The following TEX14 variants were observed in gnomAD, a reference collection of about 807,000 sequenced individuals.
TEX14 encodes the protein inactive serine/threonine-protein kinase TEX14.
Under a neutral mutation model 178.6 loss-of-function variants are expected in TEX14, and 168 were observed. The ratio of observed to expected loss-of-function variants is 0.94; its 90% confidence interval spans 0.83 to 1.07. TEX14 has a LOEUF of 1.07. Ranked by LOEUF, TEX14 falls within the 50% of genes least tolerant of loss-of-function variation. The pLI is 0.00. For synonymous variants in TEX14, 626 were observed against 634.1 expected (o/e 0.99, Z 0.19); for missense variants, 1,730 against 1,753.6 (o/e 0.99, Z 0.24).
rs528554189 is a variant in TEX14 at position 58,608,372 on chromosome 17, G to A, written c.1184+2789C>T. ...GCGGAGCTTGTAGTGAGCCGAGATC[G>A]TGCCACTGCACTCCAGCCTGGGCAA... On this transcript the variant is annotated intron_variant, in intron 10 of 31. Transcript: ENST00000349033. Among the ~76,000 whole-genome samples the A allele has an allele frequency of 1.8e-4, 28 of 151,374 alleles. No homozygotes were observed. In the East Asian group the frequency reaches 4.5e-3, roughly 24 times the overall value.
chr17:58,651,089 G>A (rs919945103), intron 2 of TEX14, among the ~76,000 whole-genome samples: 1 of 152,126 alleles, frequency 6.6e-6, no homozygotes, highest in Non-Finnish European at 1.5e-5. Flanking sequence ...GCAACATGGC[G>A]AAAGCATCTC....
Position 58,598,973 on chromosome 17 carries a change from G to A in TEX14, c.2372C>T (p.Pro791Leu), listed in dbSNP as rs1263992220. ...GACAGGAGGAATATAGTTTAAAGAT[G>A]GAGGGCCCACGGCCAGAGGTAACTT... is the stretch of plus-strand genomic sequence containing the variant. ...AYKLPLAVGPPSLNYIPPVLQ... is the reference protein window; with the variant it reads ...AYKLPLAVGPLSLNYIPPVLQ... The change falls in exon 14 of 32, where the codon CCA (proline) becomes CTA (leucine). Residue 791 changes from proline (P) to leucine (L), a missense_variant. Around this residue, in one of 2 missense-constraint regions of TEX14, gnomAD observed 941 missense variants for 1,072.4 expected, o/e 0.88. Transcript: ENST00000349033. 1.2e-6 allele frequency: 2 copies of A among 1,614,110 alleles called. No homozygotes were observed. The highest frequency in any genetic ancestry group is 2.2e-5 in the East Asian group (1 of 44,880).
intron 5 of TEX14, 47 bp from the exon 6 acceptor site, chr17:58,617,666 T>C: frequency 7.4e-7 from 1 of 1,359,264 alleles, no homozygotes; most frequent in Non-Finnish European, 1.0e-6. Flanking sequence ...TAACCACTCA[T>C]ATCCAGAATA....
intron 30 of TEX14, 110 bp from the exon 31 acceptor site, chr17:58,557,960 A>C (rs927682490): frequency 1.3e-6 from 1 of 741,264 alleles, no homozygotes; most frequent in Non-Finnish European, 2.2e-6. Context: ...TGTTTTACCT[A>C]CAATGGTTGT....
At chr17:58,598,275 C>T (rs417005) in intron 14 of TEX14, among the ~76,000 whole-genome samples, 95,318 of 149,524 alleles carry the variant, frequency 0.64, 30,727 homozygotes, top group African/African-American at 0.71. Flanking sequence ...GATCACGCCA[C>T]TGCACTCCAG....
intron 1 of TEX14, among the ~76,000 whole-genome samples, chr17:58,690,147 GTTTT>G (rs940472537): frequency 1.3e-5 from 2 of 150,228 alleles, no homozygotes; most frequent in African/African-American, 4.9e-5. Context: ...TTGAGTGGGG[GTTTT>G]TTTGTTTTTT....
At chr17:58,660,117 A>T (rs964407383) in intron 1 of TEX14, among the ~76,000 whole-genome samples, 15 of 150,538 alleles carry the variant, frequency 1.0e-4, no homozygotes, top group African/African-American at 3.4e-4. Flanking sequence ...ATAATTTAAC[A>T]CTTTAGGCCA....
intron 4 of TEX14, among the ~76,000 whole-genome samples, chr17:58,622,456 C>T (rs1035514579): frequency 6.6e-6 from 1 of 151,674 alleles, no homozygotes; most frequent in Non-Finnish European, 1.5e-5. Flanking sequence ...AAAAAAAATT[C>T]CCACCTGCCA....
At chr17:58,581,618 G>A (rs2044822257) in intron 19 of TEX14, 1 of 1,613,704 alleles carries the variant, frequency 6.2e-7, no homozygotes, top group Non-Finnish European at 8.5e-7. Context: ...TACCTCTAGA[G>A]CTAAGTTTTC....
intron 11 of TEX14, among the ~76,000 whole-genome samples, 193 bp from the exon 12 acceptor site, chr17:58,602,783 A>C (rs1221475906): frequency 6.6e-6 from 1 of 152,044 alleles, no homozygotes; most frequent in Admixed American, 6.6e-5. Context: ...AACTACCCAG[A>C]GGGGCCGGGC....
chr17:58,571,970 T>A lies in TEX14; in HGVS notation c.3668A>T (p.Asp1223Val). ...AGTTTCAGAGGAAGTAAGGAGAGAA[T>A]CCAGTTTCTTTGCTCTCTCTCGGAC... ...ISVRERAKKLDSLLTSSETPP... is the reference protein window; with the variant it reads ...ISVRERAKKLVSLLTSSETPP... Residue 1223 changes from aspartate to valine, a missense_variant, in exon 24 of 32, where the codon GAT (aspartate) becomes GTT (valine). Physicochemically the swap from Asp to Val is radical, Grantham distance 152. Around this residue, in one of 2 missense-constraint regions of TEX14, gnomAD observed 941 missense variants for 1,072.4 expected, o/e 0.88. Coordinates refer to ENST00000349033, the MANE Select transcript of TEX14 (RefSeq NM_031272.5). 1 of 1,614,142 alleles carries A rather than the reference T, an allele frequency of 6.2e-7. No homozygotes were observed. The highest frequency in any genetic ancestry group is 8.5e-7 in the Non-Finnish European group (1 of 1,180,020).
At chr17:58,593,291 C>T (rs2045201730) in intron 15 of TEX14, among the ~76,000 whole-genome samples, 2 of 152,112 alleles carry the variant, frequency 1.3e-5, no homozygotes, top group East Asian at 1.9e-4. Context: ...TGGGCAGTTG[C>T]GGAAAGGCAA....
In TEX14 at chr17:58,683,951, G is replaced by C. The variant is rs575624732; in HGVS notation, c.-2+7988C>G. Among the ~76,000 whole-genome samples, 6 of 151,780 alleles carry C rather than the reference G, an allele frequency of 4.0e-5. No individual in the cohort carries two copies. The South Asian group carries it at 1.0e-3, about 26-fold the overall frequency. ...GTGGTGGTGCATCCCTGTCATCCCAGCTACTCGGGAGGCTGAGGCAGAAGA... is the reference window on the plus strand; with the variant it reads ...GTGGTGGTGCATCCCTGTCATCCCACCTACTCGGGAGGCTGAGGCAGAAGA... On this transcript the variant is annotated intron_variant, in intron 1 of 31. Transcript: ENST00000349033.
At chr17:58,582,566 CTT>C (rs74540002) in intron 19 of TEX14, among the ~76,000 whole-genome samples, 16 of 129,204 alleles carry the variant, frequency 1.2e-4, no homozygotes, top group Non-Finnish European at 8.4e-5. Flanking sequence ...CTGCAAATTT[CTT>C]TTTTTTTTTT....
chr17:58,631,352 G>A (rs1405622867), intron 2 of TEX14, among the ~76,000 whole-genome samples: 1 of 152,068 alleles, frequency 6.6e-6, no homozygotes, highest in East Asian at 1.9e-4. Context: ...CCAGCTACTT[G>A]AGAAACTGAA....
intron 1 of TEX14, among the ~76,000 whole-genome samples, chr17:58,659,014 T>TA (rs1477196707): frequency 6.7e-6 from 1 of 150,324 alleles, no homozygotes; most frequent in Non-Finnish European, 1.5e-5. Context: ...AGCATCTAAT[T>TA]AAAACAGACC....
Position 58,675,069 on chromosome 17 carries a change from C to T in TEX14, c.-2+16870G>A, listed in dbSNP as rs142391368. 1.8e-3 allele frequency among the ~76,000 whole-genome samples: 280 copies of T among 151,806 alleles called. 11 individuals are homozygous for T. In the East Asian group the frequency reaches 0.051, roughly 28 times the overall value. On this transcript the variant is annotated intron_variant, in intron 1 of 31. Transcript: ENST00000349033. ...GCTGAGGCATGAGAATCACTTGAGC[C>T]TGGGAGGTGGAAGTTGCAGTGAGCT...
At chr17:58,638,878 T>TGGG (rs1375093244) in intron 2 of TEX14, among the ~76,000 whole-genome samples, 1 of 123,368 alleles carries the variant, frequency 8.1e-6, no homozygotes, top group African/African-American at 3.6e-5. Flanking sequence ...TTTTTTTTTT[T>TGGG]GGGGAGACGG....
chr17:58,670,870 G>T (rs1405117165), intron 1 of TEX14, among the ~76,000 whole-genome samples: 2 of 146,704 alleles, frequency 1.4e-5, no homozygotes, highest in East Asian at 4.1e-4. Context: ...ACAATAAAAT[G>T]ATAGAAGTAC....
Sources: allele counts gnomAD v4.1 joint callset (sites outside exome capture counted in the v4.1 genomes callset), GRCh38; gene constraint gnomAD v4.1.1; regional missense constraint gnomAD v4.1.1; transcripts MANE v1.5; gene names NCBI Gene and HGNC (gene_info 2026-07-23, HGNC 2026-07-21).